The following CPNE8 variants were observed in gnomAD, a reference collection of about 807,000 sequenced individuals.
CPNE8 encodes the protein copine 8.
CPNE8 carries 45 observed loss-of-function variants against 81.5 expected under a neutral mutation model. The observed-to-expected ratio is 0.55, with a 90% CI of 0.44 to 0.71. The LOEUF is 0.71. Ranked by LOEUF, CPNE8 falls within the 30% of genes least tolerant of loss-of-function variation. CPNE8 has a pLI of 0.00. For synonymous variants in CPNE8, 252 were observed against 226.3 expected (o/e 1.11, Z -1.02); for missense variants, 594 against 672.1 (o/e 0.88, Z 1.28).
At chr12:38,711,593 C>T (rs570475432) in intron 13 of CPNE8, among the ~76,000 whole-genome samples, 1 of 152,146 alleles carries the variant, frequency 6.6e-6, no homozygotes, top group South Asian at 2.1e-4. Flanking sequence ...CTCAGCCTCC[C>T]AAGTAGCTGG....
chr12:38,829,499 T>C (rs765746518), intron 5 of CPNE8, 44 bp from the exon 6 acceptor site: 1 of 1,331,512 alleles, frequency 7.5e-7, no homozygotes, highest in Non-Finnish European at 1.1e-6. Flanking sequence ...TTCCAAACTA[T>C]CTTTACAGTA....
At chr12:38,814,997 G>C (rs955758913) in intron 6 of CPNE8, among the ~76,000 whole-genome samples, 33 of 152,028 alleles carry the variant, frequency 2.2e-4, no homozygotes, top group Non-Finnish European at 1.0e-4. Flanking sequence ...TTCTGCTTTG[G>C]TCACACATTT....
intron 19 of CPNE8, among the ~76,000 whole-genome samples, chr12:38,656,425 A>G (rs1938819713): frequency 6.7e-6 from 1 of 149,778 alleles, no homozygotes; most frequent in Admixed American, 6.8e-5. Context: ...ATGCTTCTCT[A>G]TGGAAAGGGG....
intron 10 of CPNE8, among the ~76,000 whole-genome samples, chr12:38,736,080 A>G (rs372790054): frequency 2.0e-5 from 3 of 151,860 alleles, no homozygotes; most frequent in Non-Finnish European, 4.4e-5. Context: ...AGAGTTCAGC[A>G]GGAGAACTAG....
At chr12:38,691,546 C>T (rs969633422) in intron 15 of CPNE8, among the ~76,000 whole-genome samples, 3 of 151,940 alleles carry the variant, frequency 2.0e-5, no homozygotes, top group African/African-American at 7.2e-5. Flanking sequence ...GTAATATAAT[C>T]ATTAGAGATT....
intron 11 of CPNE8, among the ~76,000 whole-genome samples, chr12:38,729,914 C>G (rs1400016777): frequency 1.3e-5 from 2 of 151,772 alleles, no homozygotes; most frequent in Non-Finnish European, 2.9e-5. Flanking sequence ...ATGCAGACCA[C>G]AGCTCATTTT....
intron 11 of CPNE8, among the ~76,000 whole-genome samples, chr12:38,727,792 C>T (rs1940738419): frequency 6.6e-6 from 1 of 151,524 alleles, no homozygotes; most frequent in Admixed American, 6.6e-5. Flanking sequence ...TGGCATATTG[C>T]TGGAAATCTA....
intron 13 of CPNE8, among the ~76,000 whole-genome samples, chr12:38,706,871 C>T (rs1429934614): frequency 6.6e-6 from 1 of 152,170 alleles, no homozygotes; most frequent in African/African-American, 2.4e-5. Flanking sequence ...ACAGCATAAC[C>T]GTCAGCTTCC....
At position 38,702,912 on chromosome 12, in the gene CPNE8, G is replaced by T; in HGVS notation, c.924C>A (p.Ile308=). ...FLDYIKGGTQ[I]NFTVAIDFTA... ...TAAAATCAATAGCCACTGTGAAATT[G>T]ATTTGCGTCCTGGAATAGAAGTAAA... is the stretch of plus-strand genomic sequence containing the variant. Residue 308 remains isoleucine, a synonymous_variant, in exon 14 of 20, where the codon ATC becomes ATA. Coordinates refer to ENST00000331366, the MANE Select transcript of CPNE8 (RefSeq NM_153634.3). The T allele has an allele frequency of 1.3e-6, 2 of 1,582,326 alleles. No homozygotes were observed. The highest frequency in any genetic ancestry group is 1.2e-5 in the South Asian group (1 of 85,996).
intron 1 of CPNE8, among the ~76,000 whole-genome samples, chr12:38,898,306 C>T (rs1944415230): frequency 6.6e-6 from 1 of 151,962 alleles, no homozygotes; most frequent in South Asian, 2.1e-4. Flanking sequence ...TAAGGTATTT[C>T]TCTGAAAAAA....
chr12:38,659,828 A>C (rs1938910351), intron 19 of CPNE8, among the ~76,000 whole-genome samples: 1 of 152,188 alleles, frequency 6.6e-6, no homozygotes, highest in Non-Finnish European at 1.5e-5. Flanking sequence ...CCAATAACAG[A>C]CAGAGGGCCA....
chr12:38,724,123 G>C (rs1940638309), intron 12 of CPNE8, among the ~76,000 whole-genome samples: 2 of 152,118 alleles, frequency 1.3e-5, no homozygotes, highest in South Asian at 2.1e-4. Flanking sequence ...TAAAAGGAAA[G>C]ATGAAAGGGA....
At chr12:38,695,866 G>A (rs1163923135) in intron 14 of CPNE8, among the ~76,000 whole-genome samples, 1 of 152,058 alleles carries the variant, frequency 6.6e-6, no homozygotes, top group African/African-American at 2.4e-5. Flanking sequence ...CTTGAGTCCG[G>A]GAGGTCAAGG....
chr12:38,870,361 T>C (rs938930497), intron 3 of CPNE8, among the ~76,000 whole-genome samples: 2 of 152,220 alleles, frequency 1.3e-5, no homozygotes, highest in African/African-American at 4.8e-5. Context: ...ACTGCGGCAC[T>C]GTTCACAATA....
chr12:38,686,413 A>G (rs907101918), intron 15 of CPNE8, among the ~76,000 whole-genome samples: 1 of 152,146 alleles, frequency 6.6e-6, no homozygotes, highest in African/African-American at 2.4e-5. Flanking sequence ...TAACCTGAAC[A>G]CCTAGGCTGG....
At chr12:38,750,524 T>C (rs1228384246) in intron 10 of CPNE8, among the ~76,000 whole-genome samples, 1 of 152,230 alleles carries the variant, frequency 6.6e-6, no homozygotes, top group Non-Finnish European at 1.5e-5. Context: ...CCACCTCTTA[T>C]ATTAGTGTGA....
chr12:38,707,988 T>G (rs145029399), intron 13 of CPNE8, among the ~76,000 whole-genome samples: 1 of 152,304 alleles, frequency 6.6e-6, no homozygotes, highest in African/African-American at 2.4e-5. Flanking sequence ...CTTTATATTG[T>G]TCAATGACAA....
At chr12:38,727,130 AT>A (rs1565586171) in intron 11 of CPNE8, among the ~76,000 whole-genome samples, 7 of 152,230 alleles carry the variant, frequency 4.6e-5, no homozygotes, top group African/African-American at 1.7e-4. Flanking sequence ...TCAAAATCAA[AT>A]TTTTTCATGA....
chr12:38,761,228 A>G (rs1227885464), intron 9 of CPNE8, among the ~76,000 whole-genome samples: 1 of 152,202 alleles, frequency 6.6e-6, no homozygotes, highest in Non-Finnish European at 1.5e-5. Context: ...CTCAGCAAAG[A>G]TCAGAATCAT....
Sources: allele counts gnomAD v4.1 joint callset (sites outside exome capture counted in the v4.1 genomes callset), GRCh38; gene constraint gnomAD v4.1.1; transcripts MANE v1.5; gene names NCBI Gene and HGNC (gene_info 2026-07-23, HGNC 2026-07-21).